The following CNST variants were observed in gnomAD, a reference collection of about 807,000 sequenced individuals.
The protein encoded by CNST is consortin.
In CNST, 39 loss-of-function variants were observed where a neutral mutation model predicts 72.4. That is an observed-to-expected ratio of 0.54 (90% confidence interval 0.42 to 0.70). The LOEUF is 0.70. Ranked by LOEUF, CNST falls within the 30% of genes least tolerant of loss-of-function variation. CNST has a pLI of 0.00. For synonymous variants in CNST, 332 were observed against 320.1 expected (o/e 1.04, Z -0.40); for missense variants, 871 against 868.5 (o/e 1.00, Z -0.04).
chr1:246,647,701 G>C lies in CNST; in HGVS notation c.1500G>C (p.Gln500His), dbSNP rs1313414507. 1.2e-6 allele frequency: 2 copies of C among 1,614,176 alleles called. No individual in the cohort carries two copies. Among genetic ancestry groups the C allele is most frequent in the South Asian group, 1.1e-5 (1 of 91,078 alleles). The change falls in exon 9 of 11, where the codon CAG becomes CAC. Residue 500 changes from glutamine to histidine, a missense_variant. By Grantham distance (24) the Gln-to-His change is conservative. Coordinates refer to ENST00000366513, the MANE Select transcript of CNST (RefSeq NM_152609.3). ...TDSDGKSPQAQADSDGSENVL... is the reference protein window; with the variant it reads ...TDSDGKSPQAHADSDGSENVL... Reference sequence around the variant, plus strand: ...GTGATGGAAAATCACCACAGGCGCAGGCTGACTCAGACGGTTCTGAGAATG... The same window carrying C: ...GTGATGGAAAATCACCACAGGCGCACGCTGACTCAGACGGTTCTGAGAATG...
chr1:246,635,313 T>G (rs1665129348), intron 6 of CNST, among the ~76,000 whole-genome samples: 1 of 151,840 alleles, frequency 6.6e-6, no homozygotes, highest in Non-Finnish European at 1.5e-5. Context: ...AACTGTAGTT[T>G]CAACAAGAGT....
intron 2 of CNST, among the ~76,000 whole-genome samples, chr1:246,599,754 G>T (rs1227513115): frequency 3.3e-5 from 5 of 152,138 alleles, no homozygotes; most frequent in Admixed American, 3.3e-4. Context: ...ACCACAAAAA[G>T]ATTTTAATAT....
intron 1 of CNST, among the ~76,000 whole-genome samples, chr1:246,576,362 A>C (rs937194642): frequency 1.4e-5 from 2 of 141,456 alleles, no homozygotes; most frequent in Non-Finnish European, 3.1e-5. Flanking sequence ...ACAAAACTTT[A>C]ATTTTTACAG....
At chr1:246,634,680 C>T in intron 6 of CNST, 93 bp downstream of exon 6, 1 of 721,028 alleles carries the variant, frequency 1.4e-6, no homozygotes, top group South Asian at 1.9e-5. Flanking sequence ...TTTATGTTTT[C>T]AACTGGAGAA....
intron 9 of CNST, among the ~76,000 whole-genome samples, chr1:246,649,972 T>A (rs1464110267): frequency 6.6e-6 from 1 of 151,860 alleles, no homozygotes; most frequent in Non-Finnish European, 1.5e-5. Context: ...TTCTCCTGTA[T>A]ATTTCAGTCA....
intron 1 of CNST, among the ~76,000 whole-genome samples, chr1:246,573,505 T>C (rs1660192044): frequency 6.6e-6 from 1 of 152,240 alleles, no homozygotes; most frequent in South Asian, 2.1e-4. Context: ...AGGTGGCCTC[T>C]TGGTTGGTTA....
intron 3 of CNST, among the ~76,000 whole-genome samples, chr1:246,629,145 A>C (rs890906892): frequency 8.5e-5 from 13 of 152,156 alleles, no homozygotes; most frequent in African/African-American, 2.7e-4. Context: ...TTTTAAGATA[A>C]GAAAGTTGAG....
intron 3 of CNST, among the ~76,000 whole-genome samples, chr1:246,627,930 A>ATATATATATATATATATATATATATATAT (rs1664543964): frequency 1.3e-5 from 2 of 151,560 alleles, no homozygotes; most frequent in Non-Finnish European, 2.9e-5. Flanking sequence ...TTATATATAT[A>ATATATATATATATATATATATATATATAT]AAGGGGAGTT....
intron 9 of CNST, among the ~76,000 whole-genome samples, chr1:246,659,039 G>T (rs1446825271): frequency 6.6e-6 from 1 of 152,186 alleles, no homozygotes; most frequent in Non-Finnish European, 1.5e-5. Flanking sequence ...GAAAGAGCTA[G>T]AAGGCAACAT....
chr1:246,586,139 G>A (rs1049312914), intron 1 of CNST, among the ~76,000 whole-genome samples: 36 of 145,384 alleles, frequency 2.5e-4, no homozygotes, highest in Admixed American at 1.1e-3. Flanking sequence ...GTGTGTGTGT[G>A]TGTATATATT....
rs1661548416 is a variant in CNST at position 246,591,618 on chromosome 1, GTCA to G, written c.59_61del (p.His20del). The G allele has an allele frequency of 6.2e-7, 1 of 1,614,180 alleles. No individual in the cohort carries two copies. Among genetic ancestry groups the G allele is most frequent in the East Asian group, 2.2e-5 (1 of 44,886 alleles). On this transcript the variant is annotated inframe_deletion, in exon 2 of 11. Coordinates refer to ENST00000366513, the MANE Select transcript of CNST (RefSeq NM_152609.3). ...CTGCAAATAGAACCACAAGATGGATGTCATCCTGGTGACAGCGTGGAAAGGAGT... is the reference window on the plus strand; with the variant it reads ...CTGCAAATAGAACCACAAGATGGATGTCCTGGTGACAGCGTGGAAAGGAGT...
At chr1:246,615,239 G>C (rs933765191) in intron 2 of CNST, among the ~76,000 whole-genome samples, 1 of 152,070 alleles carries the variant, frequency 6.6e-6, no homozygotes, top group Non-Finnish European at 1.5e-5. Flanking sequence ...GCAGTGGCGC[G>C]ATCTCGGCTC....
chr1:246,590,899 G>C (rs1173159379), intron 1 of CNST, among the ~76,000 whole-genome samples: 1 of 141,438 alleles, frequency 7.1e-6, no homozygotes, highest in Admixed American at 7.3e-5. Flanking sequence ...GGATTTTGAT[G>C]ACAACTCTAA....
intron 2 of CNST, among the ~76,000 whole-genome samples, chr1:246,610,574 A>T (rs1001582062): frequency 3.9e-5 from 6 of 152,114 alleles, no homozygotes; most frequent in African/African-American, 1.4e-4. Context: ...GTGTATTATG[A>T]TGTGGTAACT....
rs140719592 is a variant in CNST at position 246,665,135 on chromosome 1, C to T, written c.1973-565C>T. Among the ~76,000 whole-genome samples, 66 of 152,172 alleles carry T rather than the reference C, an allele frequency of 4.3e-4. 1 individual carries two copies. The East Asian group carries it at 0.012, about 28-fold the overall frequency. Reference sequence around the variant, plus strand: ...CTGTAATCCCAGTACTTTGAGAGGCCATGACATGAAGATAACTTGAGGCCA... The same window carrying T: ...CTGTAATCCCAGTACTTTGAGAGGCTATGACATGAAGATAACTTGAGGCCA... On this transcript the variant is annotated intron_variant, in intron 10 of 10. Transcript: ENST00000366513.
At chr1:246,582,427 C>T (rs1310642680) in intron 1 of CNST, among the ~76,000 whole-genome samples, 1 of 151,676 alleles carries the variant, frequency 6.6e-6, no homozygotes, top group Non-Finnish European at 1.5e-5. Context: ...CGGCTCCCTG[C>T]AACCTCCGCC....
At chr1:246,664,012 A>T (rs1331428327) in intron 10 of CNST, among the ~76,000 whole-genome samples, 1 of 152,220 alleles carries the variant, frequency 6.6e-6, no homozygotes, top group Non-Finnish European at 1.5e-5. Context: ...TCTATTTGGT[A>T]TCCATTAGGT....
At chr1:246,634,429 T>G in intron 5 of CNST, 44 bp from the exon 6 acceptor site, 1 of 1,180,520 alleles carries the variant, frequency 8.5e-7, no homozygotes, top group Non-Finnish European at 1.2e-6. Flanking sequence ...TGCTCCTAAA[T>G]ATGTTTTATA....
At chr1:246,633,102 C>T (rs1664879879) in intron 4 of CNST, among the ~76,000 whole-genome samples, 2 of 152,202 alleles carry the variant, frequency 1.3e-5, no homozygotes, top group South Asian at 4.1e-4. Context: ...AGTGTGGAAT[C>T]CAAGTAGCTA....
Sources: gnomAD v4.1 joint callset for allele counts (sites outside exome capture counted in the v4.1 genomes callset) on GRCh38, gnomAD v4.1.1 for gene constraint, MANE v1.5 for transcripts, NCBI Gene and HGNC (gene_info 2026-07-23, HGNC 2026-07-21) for gene names.